Variants in LRP1B observed in about 807,000 individuals in gnomAD.
LRP1B encodes the protein low-density lipoprotein receptor-related protein 1B.
In LRP1B, 217 loss-of-function variants were observed where a neutral mutation model predicts 556.6. The ratio of observed to expected loss-of-function variants is 0.39; its 90% confidence interval spans 0.35 to 0.44. LRP1B has a LOEUF of 0.44. LRP1B is among the 20% of genes least tolerant of loss of function. The probability of loss-of-function intolerance (pLI) is 1.00; values close to 1 mark genes in which losing one functional copy is unlikely to be tolerated. For missense variants in LRP1B, 5,053 were observed against 5,620.8 expected (o/e 0.90, Z 3.23); for synonymous variants, 2,047 against 1,865.8 (o/e 1.10, Z -2.50).
intron 3 of LRP1B, among the ~76,000 whole-genome samples, chr2:141,273,267 C>G (rs1289184383): frequency 6.6e-6 from 1 of 151,864 alleles, no homozygotes; most frequent in African/African-American, 2.4e-5. Flanking sequence ...CGAGATCATA[C>G]CACTGCACTC....
chr2:140,733,275 T>C (rs1487497853), intron 35 of LRP1B, among the ~76,000 whole-genome samples: 1 of 152,114 alleles, frequency 6.6e-6, no homozygotes, highest in Non-Finnish European at 1.5e-5. Flanking sequence ...TGTGACCATA[T>C]AAATCCTATA....
At chr2:141,423,766 T>G (rs920737985) in intron 3 of LRP1B, among the ~76,000 whole-genome samples, 1 of 152,104 alleles carries the variant, frequency 6.6e-6, no homozygotes, top group Admixed American at 6.6e-5. Flanking sequence ...ATTAATTATG[T>G]ATCTATAAAT....
intron 2 of LRP1B, among the ~76,000 whole-genome samples, chr2:141,807,677 G>A (rs1321023430): frequency 3.9e-5 from 6 of 152,076 alleles, no homozygotes; most frequent in Non-Finnish European, 7.4e-5. Context: ...TTTCCAATTT[G>A]AGGCCTCCAT....
intron 3 of LRP1B, among the ~76,000 whole-genome samples, chr2:141,409,950 G>A (rs936980137): frequency 6.6e-6 from 1 of 151,992 alleles, no homozygotes; most frequent in Non-Finnish European, 1.5e-5. Flanking sequence ...TTAGATAGAT[G>A]CACTGAGTTC....
chr2:140,633,756 C>A (rs1683976814), intron 41 of LRP1B, among the ~76,000 whole-genome samples: 1 of 151,958 alleles, frequency 6.6e-6, no homozygotes, highest in Non-Finnish European at 1.5e-5. Context: ...ATACACACTA[C>A]CAAACTCATG....
At chr2:141,818,416 G>A (rs62155397) in intron 1 of LRP1B, among the ~76,000 whole-genome samples, 9,292 of 151,648 alleles carry the variant, frequency 0.061, 398 homozygotes, top group Non-Finnish European at 0.093. Context: ...TTCATAACAT[G>A]GTTAGAGGTC....
At chr2:142,098,062 G>A (rs1706437880) in intron 1 of LRP1B, among the ~76,000 whole-genome samples, 1 of 151,676 alleles carries the variant, frequency 6.6e-6, no homozygotes, top group South Asian at 2.1e-4. Flanking sequence ...AGAAAATCCA[G>A]CTGTCTTTTA....
intron 1 of LRP1B, among the ~76,000 whole-genome samples, chr2:141,999,161 T>C (rs1002369367): frequency 3.9e-5 from 6 of 152,128 alleles, no homozygotes; most frequent in African/African-American, 1.4e-4. Context: ...CATCAGTCTT[T>C]AGATCTCCGT....
rs140018844 is a variant in LRP1B, at chr2:142,100,491, G to T, written c.82+30157C>A. Among the ~76,000 whole-genome samples, 133 of 152,024 alleles carry T rather than the reference G, an allele frequency of 8.7e-4. 1 individual carries two copies. Among genetic ancestry groups the T allele is most frequent in the African/African-American group, 3.1e-3 (130 of 41,508 alleles). ...AAGCAGATTTTCAAAAGTAAATTCT[G>T]CCCCTTTCATTTCTTTGGGAAGTGG... On this transcript the variant is annotated intron_variant, in intron 1 of 90. Coordinates refer to ENST00000389484, the MANE Select transcript of LRP1B (RefSeq NM_018557.3).
At chr2:140,988,720 T>C (rs1451270130) in intron 17 of LRP1B, among the ~76,000 whole-genome samples, 4 of 152,148 alleles carry the variant, frequency 2.6e-5, no homozygotes, top group Non-Finnish European at 4.4e-5. Context: ...TGTTATTGAG[T>C]AAGGCTTATT....
chr2:141,380,378 T>C (rs1689593790), intron 3 of LRP1B, among the ~76,000 whole-genome samples: 2 of 152,184 alleles, frequency 1.3e-5, no homozygotes, highest in African/African-American at 4.8e-5. Flanking sequence ...ACCCAACTAA[T>C]AGTCTGAACA....
At position 141,464,683 on chromosome 2, in the gene LRP1B, C is replaced by G. The variant is rs112429237; in HGVS notation, c.343+15713G>C. On this transcript the variant is annotated intron_variant, in intron 3 of 90. Transcript: ENST00000389484. Reference sequence around the variant, plus strand: ...TCCTGACCTAGTGATCCACCCGGCTCGGCCTCCCAAAGTGCTGGGATTACA... The same window carrying G: ...TCCTGACCTAGTGATCCACCCGGCTGGGCCTCCCAAAGTGCTGGGATTACA... Among the ~76,000 whole-genome samples the G allele has an allele frequency of 2.8e-4, 41 of 148,358 alleles. No homozygotes were observed. In the East Asian group the frequency reaches 7.7e-3, roughly 28 times the overall value.
At chr2:140,460,392 C>G (rs570214723) in intron 60 of LRP1B, among the ~76,000 whole-genome samples, 1 of 152,182 alleles carries the variant, frequency 6.6e-6, no homozygotes, top group East Asian at 1.9e-4. Flanking sequence ...TAAAAAATCA[C>G]CATGAAATGT....
At chr2:141,922,897 C>T (rs957106626) in intron 1 of LRP1B, among the ~76,000 whole-genome samples, 3 of 152,012 alleles carry the variant, frequency 2.0e-5, no homozygotes, top group African/African-American at 7.2e-5. Flanking sequence ...CTCAGGAGTT[C>T]AAGACCAGCC....
At chr2:141,656,628 G>A (rs1030431362) in intron 2 of LRP1B, among the ~76,000 whole-genome samples, 1 of 152,090 alleles carries the variant, frequency 6.6e-6, no homozygotes, top group African/African-American at 2.4e-5. Flanking sequence ...CAGTACAATT[G>A]TCTGATATTG....
At chr2:140,822,982 G>T (rs1049840161) in intron 31 of LRP1B, among the ~76,000 whole-genome samples, 5 of 152,192 alleles carry the variant, frequency 3.3e-5, no homozygotes, top group African/African-American at 1.2e-4. Flanking sequence ...GAAAGTGGCT[G>T]ACATATTGCA....
chr2:140,472,839 CAT>C (rs1553470721), intron 60 of LRP1B, among the ~76,000 whole-genome samples: 1 of 152,014 alleles, frequency 6.6e-6, no homozygotes. Context: ...TGAAAAGTCT[CAT>C]ATGTTTTTTA....
chr2:140,235,025 TAACAACTTAA>T (rs1421081376), intron 89 of LRP1B, 141 bp from the exon 90 acceptor site: 10 of 446,694 alleles, frequency 2.2e-5, no homozygotes, highest in African/African-American at 2.0e-5. Context: ...ATGTTAGCTT[TAACAACTTAA>T]AACAACTTAA....
chr2:141,852,585 G>A (rs1319996622), intron 1 of LRP1B, among the ~76,000 whole-genome samples: 1 of 151,574 alleles, frequency 6.6e-6, no homozygotes, highest in Non-Finnish European at 1.5e-5. Context: ...AATAATTTTA[G>A]CAATGAAGAA....
Sources: allele counts gnomAD v4.1 joint callset (sites outside exome capture counted in the v4.1 genomes callset), GRCh38; gene constraint gnomAD v4.1.1; transcripts MANE v1.5; gene names NCBI Gene and HGNC (gene_info 2026-07-23, HGNC 2026-07-21).